The following EMSY variants were observed in gnomAD, a reference collection of about 807,000 sequenced individuals.
The protein encoded by EMSY is BRCA2-interacting transcriptional repressor EMSY.
A neutral mutation model predicts 134.6 loss-of-function variants in EMSY; 26 were observed. The observed-to-expected ratio is 0.19, with a 90% CI of 0.14 to 0.27. The LOEUF is 0.27. Among genes scored for constraint, EMSY ranks in the 10% least tolerant of loss-of-function variants. EMSY has a pLI of 1.00. For synonymous variants in EMSY, 579 were observed against 577.8 expected (o/e 1.00, Z -0.03); for missense variants, 1,305 against 1,611.4 (o/e 0.81, Z 3.26).
chr11:76,527,129 G>A lies in EMSY; in HGVS notation c.1995+494G>A, dbSNP rs1268695839. Reference sequence around the variant, plus strand: ...TCTGAAAATTTGCCTTGGAATTTGAGGCTCAGGATCTAATCATATGTTGCT... The same window carrying A: ...TCTGAAAATTTGCCTTGGAATTTGAAGCTCAGGATCTAATCATATGTTGCT... On this transcript the variant is annotated intron_variant, in intron 13 of 20. Coordinates refer to ENST00000334736, the Ensembl canonical transcript of EMSY. Among the ~76,000 whole-genome samples the A allele has an allele frequency of 2.6e-5, 4 of 152,178 alleles. No individual in the cohort carries two copies. In the East Asian group the frequency reaches 7.7e-4, roughly 29 times the overall value.
chr11:76,494,936 A>G (rs1484870121), intron 8 of EMSY, among the ~76,000 whole-genome samples: 1 of 151,928 alleles, frequency 6.6e-6, no homozygotes, highest in African/African-American at 2.4e-5. Context: ...GGGTTTCACT[A>G]TGTTGGCCAG....
chr11:76,491,963 T>G (rs1263793150), intron 8 of EMSY, among the ~76,000 whole-genome samples: 2 of 152,182 alleles, frequency 1.3e-5, no homozygotes, highest in Admixed American at 1.3e-4. Context: ...CACGAAACAT[T>G]TATTAGTTTG....
intron 9 of EMSY, among the ~76,000 whole-genome samples, chr11:76,504,918 A>G (rs1173606106): frequency 3.9e-5 from 6 of 152,248 alleles, no homozygotes; most frequent in African/African-American, 1.2e-4. Context: ...ACCACGTATT[A>G]TATGATTTAT....
chr11:76,483,397 A>G (rs1258809825), intron 8 of EMSY, among the ~76,000 whole-genome samples: 1 of 152,230 alleles, frequency 6.6e-6, no homozygotes, highest in Non-Finnish European at 1.5e-5. Context: ...AGATTCACAC[A>G]TAACAATATT....
chr11:76,472,746 C>T (rs1590827691), exon 8 of EMSY: 1 of 1,614,008 alleles, frequency 6.2e-7, no homozygotes, highest in African/African-American at 1.3e-5. Flanking sequence ...GCAGTGGCAG[C>T]AGCAGTTCTA....
chr11:76,460,155 T>C (rs898908149), intron 6 of EMSY, 70 bp downstream of exon 7: 80 of 1,520,998 alleles, frequency 5.3e-5, no homozygotes, highest in Non-Finnish European at 5.9e-5. Context: ...TGATTAGACC[T>C]GCCTTCCTGG....
chr11:76,534,377 G>A (rs1951151521), intron 14 of EMSY, among the ~76,000 whole-genome samples: 1 of 152,132 alleles, frequency 6.6e-6, no homozygotes, highest in Non-Finnish European at 1.5e-5. Context: ...ATTTGGTATT[G>A]CAGGATAGCA....
At chr11:76,495,933 C>G (rs1160934495) in intron 8 of EMSY, among the ~76,000 whole-genome samples, 1 of 152,074 alleles carries the variant, frequency 6.6e-6, no homozygotes, top group Non-Finnish European at 1.5e-5. Flanking sequence ...CTGGGAACAT[C>G]CTGTCTGATA....
At chr11:76,473,421 C>T (rs533380948) in intron 8 of EMSY, among the ~76,000 whole-genome samples, 30 of 152,066 alleles carry the variant, frequency 2.0e-4, no homozygotes, top group African/African-American at 6.7e-4. Flanking sequence ...ATCCTCCCAC[C>T]TCAGCCTTCT....
At chr11:76,543,946 C>T (rs991533982) in intron 18 of EMSY, among the ~76,000 whole-genome samples, 1 of 152,192 alleles carries the variant, frequency 6.6e-6, no homozygotes, top group South Asian at 2.1e-4. Context: ...CGGCTGTTTC[C>T]TGAGCCAGGG....
At chr11:76,517,947 T>C (rs35836875) in intron 11 of EMSY, among the ~76,000 whole-genome samples, 35,446 of 151,994 alleles carry the variant, frequency 0.23, 4,482 homozygotes, top group Middle Eastern at 0.31. Flanking sequence ...AACTGATCCT[T>C]ATGTTACATC....
intron 7 of EMSY, among the ~76,000 whole-genome samples, chr11:76,464,597 T>C (rs1948275660): frequency 6.6e-6 from 1 of 152,244 alleles, no homozygotes; most frequent in South Asian, 2.1e-4. Context: ...GTCAGTTTCA[T>C]GTTTTTAGAC....
chr11:76,450,852 G>A (rs1947635873), intron 2 of EMSY, among the ~76,000 whole-genome samples: 1 of 150,168 alleles, frequency 6.7e-6, no homozygotes, highest in South Asian at 2.1e-4. Flanking sequence ...GGAGTGCGGT[G>A]GCATGATCAC....
intron 14 of EMSY, 26 bp from the exon 16 acceptor site, chr11:76,535,869 G>GTT: frequency 7.5e-6 from 10 of 1,333,574 alleles, no homozygotes; most frequent in African/African-American, 1.5e-5. Context: ...TATAGGGTTT[G>GTT]TTTTTTTTTA....
intron 9 of EMSY, among the ~76,000 whole-genome samples, chr11:76,508,248 G>A (rs1159168683): frequency 6.6e-6 from 1 of 152,098 alleles, no homozygotes. Flanking sequence ...TGTTATGTTA[G>A]CAGGCATGAA....
intron 10 of EMSY, among the ~76,000 whole-genome samples, chr11:76,515,254 G>A (rs1436572038): frequency 4.6e-5 from 7 of 151,566 alleles, no homozygotes; most frequent in Admixed American, 6.6e-5. Flanking sequence ...AAAGTGGTCC[G>A]TGAATTTGAT....
intron 9 of EMSY, among the ~76,000 whole-genome samples, chr11:76,504,316 C>A: frequency 6.7e-6 from 1 of 149,340 alleles, no homozygotes; most frequent in African/African-American, 2.5e-5. Context: ...TATATATAAA[C>A]TCTTATAACT....
chr11:76,470,234 T>G (rs1376631881), intron 7 of EMSY, among the ~76,000 whole-genome samples: 4 of 152,188 alleles, frequency 2.6e-5, no homozygotes, highest in African/African-American at 9.6e-5. Flanking sequence ...CTTTAGATTT[T>G]TCAAAACAGT....
chr11:76,536,248 A>G (rs573065193), intron 15 of EMSY, among the ~76,000 whole-genome samples, 189 bp downstream of exon 16: 1 of 152,140 alleles, frequency 6.6e-6, no homozygotes, highest in Non-Finnish European at 1.5e-5. Context: ...TTAGTTCAGT[A>G]AGATGTGCAC....
Sources: gnomAD v4.1 joint callset for allele counts (sites outside exome capture counted in the v4.1 genomes callset) on GRCh38, gnomAD v4.1.1 for gene constraint, MANE v1.5 for transcripts, NCBI Gene and HGNC (gene_info 2026-07-23, HGNC 2026-07-21) for gene names.